Variants in GPHN observed in about 807,000 individuals in gnomAD.
The protein encoded by GPHN is gephyrin.
In GPHN, 17 loss-of-function variants were observed where a neutral mutation model predicts 95.5. The ratio of observed to expected loss-of-function variants is 0.18; its 90% CI spans 0.12 to 0.27. GPHN has a LOEUF of 0.27. Among genes scored for constraint, GPHN ranks in the 10% least tolerant of loss-of-function variants. The pLI is 1.00. For synonymous variants in GPHN, 320 were observed against 322.5 expected (o/e 0.99, Z 0.08); for missense variants, 660 against 978.1 (o/e 0.67, Z 4.34).
intron 10 of GPHN, among the ~76,000 whole-genome samples, chr14:67,044,102 T>G (rs1056666649): frequency 1.3e-5 from 2 of 151,992 alleles, no homozygotes; most frequent in African/African-American, 2.4e-5. Flanking sequence ...TTTCAGAGGC[T>G]GAGGTGGGTG....
chr14:67,686,692 T>C, the GPHN span, among the ~76,000 whole-genome samples: 308 of 151,534 alleles, frequency 2.0e-3, no homozygotes, highest in African/African-American at 7.3e-3. Flanking sequence ...TAAATGATAC[T>C]TTTGCACATG....
At chr14:66,986,058 T>C (rs1017813669) in intron 9 of GPHN, among the ~76,000 whole-genome samples, 1 of 152,112 alleles carries the variant, frequency 6.6e-6, no homozygotes, top group Non-Finnish European at 1.5e-5. Context: ...TCACTGTGTG[T>C]TAAGTTCCTG....
the GPHN span, chr14:67,662,619 C>T: frequency 7.9e-7 from 1 of 1,259,022 alleles, no homozygotes. Flanking sequence ...GAATAAGCTT[C>T]CTATGGCAGG....
chr14:66,866,932 A>T (rs2063242877), intron 4 of GPHN, among the ~76,000 whole-genome samples: 1 of 152,154 alleles, frequency 6.6e-6, no homozygotes, highest in Non-Finnish European at 1.5e-5. Flanking sequence ...TGTTCATTGA[A>T]TGGAATGGAA....
chr14:66,788,798 A>T (rs549081400), intron 3 of GPHN, among the ~76,000 whole-genome samples: 2 of 152,230 alleles, frequency 1.3e-5, no homozygotes, highest in African/African-American at 4.8e-5. Flanking sequence ...CTGGAATTAC[A>T]GGCGCCCGCC....
At chr14:66,608,098 T>G (rs1002183592) in intron 1 of GPHN, among the ~76,000 whole-genome samples, 1 of 151,610 alleles carries the variant, frequency 6.6e-6, no homozygotes, top group Non-Finnish European at 1.5e-5. Context: ...TTTGAGATCT[T>G]TCTAATTTTT....
chr14:67,429,387 C>T, the GPHN span, among the ~76,000 whole-genome samples: 14 of 151,792 alleles, frequency 9.2e-5, no homozygotes, highest in Middle Eastern at 6.8e-3. Flanking sequence ...CCCACCACCA[C>T]GCCCAGCCAA....
At chr14:67,722,989 T>G in the GPHN span, among the ~76,000 whole-genome samples, 1 of 152,180 alleles carries the variant, frequency 6.6e-6, no homozygotes, top group Admixed American at 6.5e-5. Context: ...GTCAAGTAGC[T>G]CAACAAACAC....
At chr14:66,719,130 T>A (rs1023961642) in intron 2 of GPHN, among the ~76,000 whole-genome samples, 9 of 152,140 alleles carry the variant, frequency 5.9e-5, no homozygotes, top group Admixed American at 3.3e-4. Flanking sequence ...GCTACCTGCT[T>A]CCCATCTGTG....
intron 4 of GPHN, among the ~76,000 whole-genome samples, chr14:66,855,212 A>G (rs2062748518): frequency 6.6e-6 from 1 of 152,180 alleles, no homozygotes; most frequent in Non-Finnish European, 1.5e-5. Context: ...TTGTACAATT[A>G]TCACTACTAC....
the GPHN span, among the ~76,000 whole-genome samples, chr14:67,443,485 A>T: frequency 6.6e-6 from 1 of 152,140 alleles, no homozygotes; most frequent in African/African-American, 2.4e-5. Flanking sequence ...TAGGAGGGCC[A>T]GTGTTCTGGG....
At chr14:67,538,124 A>G in the GPHN span, among the ~76,000 whole-genome samples, 1 of 152,214 alleles carries the variant, frequency 6.6e-6, no homozygotes. Context: ...ATAGAAAAAA[A>G]AATTGAGCTG....
chr14:67,620,712 T>G, the GPHN span, among the ~76,000 whole-genome samples: 1,008 of 152,186 alleles, frequency 6.6e-3, 11 homozygotes, highest in African/African-American at 0.023. Context: ...TGGCTCAGCC[T>G]CTCCCGTCTT....
the GPHN span, chr14:67,574,168 C>A: frequency 1.5e-6 from 2 of 1,368,072 alleles, no homozygotes; most frequent in Non-Finnish European, 2.0e-6. The surrounding 1 kb of genome is among the most constrained non-coding windows in gnomAD (Gnocchi z 4.2). Context: ...GGGACAGGTG[C>A]CACCTCGGAG....
At position 66,812,768 on chromosome 14, in the gene GPHN, A is replaced by G. The variant is rs141526687; in HGVS notation, c.202-11706A>G. Among the ~76,000 whole-genome samples the G allele has an allele frequency of 6.6e-5, 10 of 152,334 alleles. No homozygotes were observed. The East Asian group carries it at 1.7e-3, about 26-fold the overall frequency. Reference sequence around the variant, plus strand: ...TATAAAGCAGGTTGAATTGGCTTTCAAACCAACAAAATTTATTCCTACTTA... The same window carrying G: ...TATAAAGCAGGTTGAATTGGCTTTCGAACCAACAAAATTTATTCCTACTTA... On this transcript the variant is annotated intron_variant, in intron 3 of 22. Transcript: ENST00000478722.
At chr14:67,366,854 T>TGAGCCGAG in the GPHN span, among the ~76,000 whole-genome samples, 3 of 152,032 alleles carry the variant, frequency 2.0e-5, no homozygotes, top group African/African-American at 7.3e-5. Context: ...ATGTTTTCTG[T>TGAGCCGAG]TTTACACCTT....
chr14:67,369,242 GA>G, the GPHN span, among the ~76,000 whole-genome samples: 1 of 152,178 alleles, frequency 6.6e-6, no homozygotes, highest in Non-Finnish European at 1.5e-5. Flanking sequence ...AGATAAAGTA[GA>G]TTTAAAGACA....
intron 9 of GPHN, among the ~76,000 whole-genome samples, chr14:66,981,793 G>A (rs2070699276): frequency 6.6e-6 from 1 of 152,076 alleles, no homozygotes; most frequent in Non-Finnish European, 1.5e-5. Flanking sequence ...AAGGGGAGAA[G>A]GTCTACATTC....
the GPHN span, among the ~76,000 whole-genome samples, chr14:67,396,304 C>T: frequency 1.3e-5 from 2 of 151,586 alleles, no homozygotes; most frequent in East Asian, 2.0e-4. Context: ...CCCACCACCC[C>T]GCCTGGCTAA....
Sources: gnomAD v4.1 joint callset for allele counts (sites outside exome capture counted in the v4.1 genomes callset) on GRCh38, gnomAD v4.1.1 for gene constraint, Gnocchi (gnomAD v3.1) non-coding constraint, MANE v1.5 for transcripts, NCBI Gene and HGNC (gene_info 2026-07-23, HGNC 2026-07-21) for gene names.